LHFPL6: variants seen among roughly 807,000 people sequenced by gnomAD.
LHFPL6 encodes the protein LHFPL tetraspan subfamily member 6.
In LHFPL6, 9 loss-of-function variants were observed where a neutral mutation model predicts 20.6. The observed-to-expected ratio is 0.44, with a 90% CI of 0.26 to 0.76. LHFPL6 has a LOEUF of 0.76. LHFPL6 is among the 30% of genes least tolerant of loss of function. The probability of loss-of-function intolerance (pLI) is 0.20; values close to 1 mark genes in which losing one functional copy is unlikely to be tolerated. For missense variants in LHFPL6, 218 were observed against 253.5 expected (o/e 0.86, Z 0.95); for synonymous variants, 105 against 98.7 (o/e 1.06, Z -0.38).
intron 2 of LHFPL6, among the ~76,000 whole-genome samples, chr13:39,475,897 G>C (rs952073984): frequency 6.6e-6 from 1 of 152,058 alleles, no homozygotes; most frequent in Non-Finnish European, 1.5e-5. Flanking sequence ...AGTGAAGGGC[G>C]GAGTGTCTCC....
At chr13:39,496,201 C>T (rs6563711) in intron 2 of LHFPL6, among the ~76,000 whole-genome samples, 2 of 152,142 alleles carry the variant, frequency 1.3e-5, no homozygotes, top group African/African-American at 4.8e-5. Flanking sequence ...AATTCCAGAG[C>T]CTGGGAAGTC....
At chr13:39,533,863 A>G (rs542020669) in intron 2 of LHFPL6, among the ~76,000 whole-genome samples, 1 of 152,306 alleles carries the variant, frequency 6.6e-6, no homozygotes, top group East Asian at 1.9e-4. Flanking sequence ...GTTGCCAGTG[A>G]AGAACCCGTA....
chr13:39,507,148 T>C (rs1008557274), intron 2 of LHFPL6, among the ~76,000 whole-genome samples: 5 of 152,196 alleles, frequency 3.3e-5, no homozygotes, highest in African/African-American at 9.7e-5. Flanking sequence ...AATAACATGA[T>C]GCGTAATGTG....
intron 2 of LHFPL6, among the ~76,000 whole-genome samples, chr13:39,531,679 T>A (rs1593351727): frequency 6.6e-6 from 1 of 152,170 alleles, no homozygotes; most frequent in African/African-American, 2.4e-5. Context: ...ACGCTAGATG[T>A]GGGTGGCCCA....
intron 2 of LHFPL6, among the ~76,000 whole-genome samples, chr13:39,475,566 C>G (rs573165626): frequency 6.6e-6 from 1 of 152,208 alleles, no homozygotes; most frequent in East Asian, 1.9e-4. Context: ...GGTAGCAGCA[C>G]ATCTTGTAAC....
intron 2 of LHFPL6, among the ~76,000 whole-genome samples, chr13:39,575,220 T>G (rs909797949): frequency 3.3e-5 from 5 of 152,172 alleles, no homozygotes; most frequent in Admixed American, 1.3e-4. Context: ...TTCCTGGGAA[T>G]AGCAGAGCAC....
chr13:39,421,770 G>C (rs1297811863), intron 2 of LHFPL6, among the ~76,000 whole-genome samples: 1 of 152,054 alleles, frequency 6.6e-6, no homozygotes, highest in Non-Finnish European at 1.5e-5. Flanking sequence ...GGAAAAGGCT[G>C]AAAAATGGTT....
intron 2 of LHFPL6, among the ~76,000 whole-genome samples, chr13:39,412,922 C>CG (rs1871265885): frequency 7.1e-6 from 1 of 141,646 alleles, no homozygotes; most frequent in Non-Finnish European, 1.5e-5. Flanking sequence ...ACTCCCGTCT[C>CG]AAAAAAAAAA....
chr13:39,563,924 G>A (rs1871629123), intron 2 of LHFPL6, among the ~76,000 whole-genome samples: 1 of 152,078 alleles, frequency 6.6e-6, no homozygotes, highest in African/African-American at 2.4e-5. Context: ...CTATCCCCTA[G>A]GGCGGTTATG....
In LHFPL6 at chr13:39,502,633, G is replaced by A. The variant is rs137956380; in HGVS notation, c.385+98199C>T. On this transcript the variant is annotated intron_variant, in intron 2 of 3. Coordinates refer to ENST00000379589, the MANE Select transcript of LHFPL6 (RefSeq NM_005780.3). ...GTCTCTAAAACACACACACACATAC[G>A]TTTTGAGCTAGTAAGTCCAGGGTGA... 1.0e-3 allele frequency among the ~76,000 whole-genome samples: 159 copies of A among 152,084 alleles called. 1 individual carries two copies. The highest frequency in any genetic ancestry group is 3.4e-3 in the African/African-American group (141 of 41,502).
intron 2 of LHFPL6, among the ~76,000 whole-genome samples, chr13:39,596,969 C>G (rs1446917102): frequency 6.6e-6 from 1 of 152,218 alleles, no homozygotes; most frequent in African/African-American, 2.4e-5. Flanking sequence ...AGTAAGGAGA[C>G]TCTGAAAAGG....
At chr13:39,505,320 A>G (rs1869438365) in intron 2 of LHFPL6, among the ~76,000 whole-genome samples, 1 of 152,198 alleles carries the variant, frequency 6.6e-6, no homozygotes, top group Admixed American at 6.5e-5. Context: ...TCTCAGTGGA[A>G]CTCAGAACAT....
intron 2 of LHFPL6, among the ~76,000 whole-genome samples, chr13:39,515,450 TAA>T (rs1869877837): frequency 6.6e-6 from 1 of 152,246 alleles, no homozygotes; most frequent in Non-Finnish European, 1.5e-5. Context: ...TGAATTGACA[TAA>T]AGTGTGCCTG....
intron 2 of LHFPL6, among the ~76,000 whole-genome samples, chr13:39,500,778 ATAAAT>A (rs978737262): frequency 1.3e-5 from 2 of 152,224 alleles, no homozygotes; most frequent in Non-Finnish European, 2.9e-5. Context: ...TAATTTCAAA[ATAAAT>A]TAAGTATTCT....
At chr13:39,417,932 G>A (rs1275121330) in intron 2 of LHFPL6, among the ~76,000 whole-genome samples, 1 of 152,186 alleles carries the variant, frequency 6.6e-6, no homozygotes, top group Non-Finnish European at 1.5e-5. Context: ...CAGTATTGTT[G>A]CAAGATTTAG....
At chr13:39,373,632 A>G (rs1870215232) in intron 3 of LHFPL6, among the ~76,000 whole-genome samples, 1 of 152,246 alleles carries the variant, frequency 6.6e-6, no homozygotes, top group South Asian at 2.1e-4. Flanking sequence ...CGCAGGGATC[A>G]ATAAACGAGC....
intron 2 of LHFPL6, among the ~76,000 whole-genome samples, chr13:39,583,472 G>T (rs867639860): frequency 1.3e-5 from 2 of 152,148 alleles, no homozygotes; most frequent in Non-Finnish European, 2.9e-5. Flanking sequence ...ACCACATACG[G>T]CTGGGTGCAA....
intron 2 of LHFPL6, among the ~76,000 whole-genome samples, chr13:39,472,531 G>A (rs1244805112): frequency 1.3e-5 from 2 of 152,010 alleles, no homozygotes; most frequent in African/African-American, 4.8e-5. Flanking sequence ...GAATATGCCC[G>A]GGTTCAGCTG....
chr13:39,475,698 G>A lies in LHFPL6; in HGVS notation c.386-97172C>T, dbSNP rs555740564. Reference sequence around the variant, plus strand: ...GACAGTTTTGTCATCACAGCTCTGCGGCCCAGGAGAGACTACTGCTGGGAG... The same window carrying A: ...GACAGTTTTGTCATCACAGCTCTGCAGCCCAGGAGAGACTACTGCTGGGAG... On this transcript the variant is annotated intron_variant, in intron 2 of 3. Transcript: ENST00000379589. 1.6e-4 allele frequency among the ~76,000 whole-genome samples: 25 copies of A among 152,174 alleles called. No homozygotes were observed. The South Asian group carries it at 5.0e-3, about 30-fold the overall frequency.
Sources: gnomAD v4.1 joint callset for allele counts (sites outside exome capture counted in the v4.1 genomes callset) on GRCh38, gnomAD v4.1.1 for gene constraint, MANE v1.5 for transcripts, NCBI Gene and HGNC (gene_info 2026-07-23, HGNC 2026-07-21) for gene names.